RERG: variants seen among roughly 807,000 people sequenced by gnomAD.
The protein encoded by RERG is RAS like estrogen regulated growth inhibitor, also known as ras-related and estrogen-regulated growth inhibitor.
A neutral mutation model predicts 23.2 loss-of-function variants in RERG; 25 were observed. The observed-to-expected ratio is 1.08, with a 90% CI of 0.79 to 1.50. The LOEUF is 1.50. RERG is among the 40% of genes most tolerant of loss of function. The probability of loss-of-function intolerance (pLI) is 0.00; values close to 1 mark genes in which losing one functional copy is unlikely to be tolerated. For synonymous variants in RERG, 81 were observed against 89.1 expected, an observed-to-expected ratio of 0.91 and a Z score of 0.51; for missense variants, 253 against 250.1, an observed-to-expected ratio of 1.01 and a Z score of -0.08.
intron 2 of RERG, among the ~76,000 whole-genome samples, chr12:15,205,933 G>A (rs117686565): frequency 5.9e-5 from 9 of 152,114 alleles, no homozygotes; most frequent in Admixed American, 2.6e-4. Flanking sequence ...AAAGAAAAAC[G>A]ATCTGACTTT....
intron 2 of RERG, among the ~76,000 whole-genome samples, chr12:15,198,742 T>C (rs1055361732): frequency 6.6e-6 from 1 of 152,170 alleles, no homozygotes; most frequent in East Asian, 1.9e-4. Context: ...CCACTTAACA[T>C]TTCATGGCTA....
intron 2 of RERG, among the ~76,000 whole-genome samples, chr12:15,139,102 T>C (rs1864193217): frequency 6.6e-6 from 1 of 150,450 alleles, no homozygotes; most frequent in South Asian, 2.1e-4. Flanking sequence ...CTACATTTAC[T>C]TGCCTTTGCT....
chr12:15,121,895 G>C (rs534061769), intron 2 of RERG, among the ~76,000 whole-genome samples: 8 of 152,276 alleles, frequency 5.3e-5, no homozygotes, highest in Admixed American at 5.2e-4. Context: ...AGGCCATCTG[G>C]ATAATATTTA....
chr12:15,145,197 A>G (rs1864310736), intron 2 of RERG, among the ~76,000 whole-genome samples: 1 of 151,276 alleles, frequency 6.6e-6, no homozygotes, highest in Non-Finnish European at 1.5e-5. Context: ...GAGGCCTGAG[A>G]TAAACACTCT....
rs544390050 is a variant in RERG at position 15,195,954 on chromosome 12, C to T, written c.61+21475G>A. ...TTTTCAAGCCATATGGACAAACATA[C>T]GTGGAAGGGACATAGGTGTCCAGCA... On this transcript the variant is annotated intron_variant, in intron 2 of 4. Coordinates refer to ENST00000256953, the MANE Select transcript of RERG (RefSeq NM_032918.3). 7.9e-4 allele frequency among the ~76,000 whole-genome samples: 120 copies of T among 152,224 alleles called. 1 individual carries two copies. In the South Asian group the frequency reaches 0.022, roughly 28 times the overall value.
intron 2 of RERG, among the ~76,000 whole-genome samples, chr12:15,157,711 TTTTC>T (rs1409965675): frequency 2.6e-5 from 4 of 152,330 alleles, no homozygotes; most frequent in African/African-American, 9.6e-5. Context: ...TAAGCCAGGC[TTTTC>T]TTTTTCATCA....
intron 2 of RERG, among the ~76,000 whole-genome samples, chr12:15,195,822 C>T (rs1865137052): frequency 6.6e-6 from 1 of 152,072 alleles, no homozygotes; most frequent in African/African-American, 2.4e-5. Context: ...CTTTGGTTCT[C>T]ATCCTGCTCC....
At chr12:15,209,245 C>A (rs1450485229) in intron 2 of RERG, among the ~76,000 whole-genome samples, 3 of 152,178 alleles carry the variant, frequency 2.0e-5, no homozygotes, top group African/African-American at 7.2e-5. Context: ...ACATTTGTAT[C>A]AGACTTGTAA....
At chr12:15,176,551 T>C (rs531792907) in intron 2 of RERG, among the ~76,000 whole-genome samples, 4 of 152,166 alleles carry the variant, frequency 2.6e-5, no homozygotes, top group Non-Finnish European at 5.9e-5. Flanking sequence ...TGTTGTTTAT[T>C]AGCAAACACA....
intron 2 of RERG, among the ~76,000 whole-genome samples, chr12:15,121,476 C>T (rs1328466033): frequency 6.6e-6 from 1 of 151,758 alleles, no homozygotes; most frequent in Non-Finnish European, 1.5e-5. Flanking sequence ...TACAGGTATC[C>T]GAAGTTTGAA....
At chr12:15,214,000 G>A (rs1224733137) in intron 2 of RERG, among the ~76,000 whole-genome samples, 43 of 32,486 alleles carry the variant, frequency 1.3e-3, no homozygotes, top group African/African-American at 4.3e-3. Context: ...GAAAGTATGT[G>A]TGTGTGTGTG....
At chr12:15,146,889 C>T (rs1864342373) in intron 2 of RERG, among the ~76,000 whole-genome samples, 1 of 152,108 alleles carries the variant, frequency 6.6e-6, no homozygotes, top group Non-Finnish European at 1.5e-5. Context: ...GCAGATTAGC[C>T]TTAAGCACAT....
chr12:15,132,716 A>T (rs932977008), intron 2 of RERG, among the ~76,000 whole-genome samples: 1 of 152,044 alleles, frequency 6.6e-6, no homozygotes, highest in Non-Finnish European at 1.5e-5. Flanking sequence ...TAGCTTTGTC[A>T]GGTTTTTGGC....
chr12:15,118,389 ACTG>A, intron 3 of RERG, among the ~76,000 whole-genome samples: 1 of 152,286 alleles, frequency 6.6e-6, no homozygotes, highest in East Asian at 1.9e-4. Context: ...TTAAAAAAAA[ACTG>A]CCCCATGTTT....
intron 2 of RERG, among the ~76,000 whole-genome samples, chr12:15,156,937 A>C (rs1447044045): frequency 6.6e-6 from 1 of 152,214 alleles, no homozygotes; most frequent in Admixed American, 6.5e-5. Flanking sequence ...GAGGGGATTA[A>C]ACGAGGTAAT....
At chr12:15,216,927 A>T (rs946321691) in intron 2 of RERG, among the ~76,000 whole-genome samples, 2 of 152,216 alleles carry the variant, frequency 1.3e-5, no homozygotes, top group African/African-American at 4.8e-5. Flanking sequence ...ATGCACTCCT[A>T]AAGTTTCAGG....
chr12:15,179,851 C>A (rs1864900766), intron 2 of RERG, among the ~76,000 whole-genome samples: 1 of 152,118 alleles, frequency 6.6e-6, no homozygotes, highest in African/African-American at 2.4e-5. Context: ...GCACACTGCA[C>A]AATGGGAGCT....
chr12:15,166,517 GTGGTGA>G (rs1020649639), intron 2 of RERG, among the ~76,000 whole-genome samples: 1 of 151,190 alleles, frequency 6.6e-6, no homozygotes, highest in African/African-American at 2.4e-5. Context: ...GGTGGTGATG[GTGGTGA>G]TGGTGGTGGT....
chr12:15,217,295 G>A, intron 2 of RERG, 134 bp downstream of exon 2: 1 of 673,230 alleles, frequency 1.5e-6, no homozygotes, highest in Non-Finnish European at 2.7e-6. Context: ...TAGATGAAGA[G>A]ACTTTATCTA....
Sources: gnomAD v4.1 joint callset for allele counts (sites outside exome capture counted in the v4.1 genomes callset) on GRCh38, gnomAD v4.1.1 for gene constraint, MANE v1.5 for transcripts, NCBI Gene and HGNC (gene_info 2026-07-23, HGNC 2026-07-21) for gene names.